PPIH: variants seen among roughly 807,000 people sequenced by gnomAD.
The protein encoded by PPIH is peptidylprolyl isomerase H, also known as peptidyl-prolyl cis-trans isomerase H.
PPIH carries 16 observed loss-of-function variants against 27.6 expected under a neutral mutation model. That is an observed-to-expected ratio of 0.58 (90% CI 0.39 to 0.88). PPIH has a LOEUF of 0.88. Ranked by LOEUF, PPIH falls within the 40% of genes least tolerant of loss-of-function variation. PPIH has a pLI of 0.00. For synonymous variants in PPIH, 63 were observed against 76.1 expected, an observed-to-expected ratio of 0.83 and a Z score of 0.90; for missense variants, 155 against 224.1, an observed-to-expected ratio of 0.69 and a Z score of 1.97.
intron 5 of PPIH, among the ~76,000 whole-genome samples, chr1:42,662,801 C>T (rs946935629): frequency 5.9e-5 from 9 of 152,154 alleles, no homozygotes; most frequent in Non-Finnish European, 1.0e-4. Context: ...TTTTGGTTTA[C>T]AGTTGTCAGT....
At chr1:42,658,761 T>G (rs1570373685) in intron 1 of PPIH, 83 bp from the exon 2 acceptor site, 3 of 1,466,438 alleles carry the variant, frequency 2.0e-6, no homozygotes. Context: ...GGCAGGGTGG[T>G]GGGTCAGCCC....
intron 5 of PPIH, among the ~76,000 whole-genome samples, chr1:42,661,999 T>G (rs1649050526): frequency 6.6e-6 from 1 of 152,192 alleles, no homozygotes; most frequent in Non-Finnish European, 1.5e-5. Flanking sequence ...TCCACAACTG[T>G]TTCCCTTATT....
At chr1:42,680,224 A>G (rs1264853145), downstream of PPIH, among the ~76,000 whole-genome samples, 1 of 152,242 alleles carries the variant, frequency 6.6e-6, no homozygotes, top group East Asian at 1.9e-4. Context: ...ACTAGATGAC[A>G]GTCCTTTCTC....
chr1:42,680,534 AATAGT>A (rs1271266982), downstream of PPIH, among the ~76,000 whole-genome samples: 2 of 152,182 alleles, frequency 1.3e-5, no homozygotes, highest in African/African-American at 4.8e-5. Context: ...CCCTAAGGGT[AATAGT>A]AGTCACTGGA....
downstream of PPIH, chr1:42,676,877 T>C (rs982589618): frequency 2.6e-5 from 4 of 152,180 alleles, no homozygotes; most frequent in African/African-American, 9.7e-5. Flanking sequence ...GAGGCCAGCA[T>C]GGACCAGAGC....
At chr1:42,662,300 T>C (rs1227500470) in intron 5 of PPIH, among the ~76,000 whole-genome samples, 1 of 152,220 alleles carries the variant, frequency 6.6e-6, no homozygotes. Flanking sequence ...TCCCAGTACC[T>C]TGGGATGCTG....
Position 42,658,458 on chromosome 1 carries a change from A to C in PPIH, c.12A>C (p.Ala4=), listed in dbSNP as rs1648774072. MAV[A]NSSPVNPVVF... ...TCCGGGTCGGAGCCATGGCGGTGGC[A>C]AATTCAAGTCCTGTTAACCCCGTGG... is the stretch of plus-strand genomic sequence containing the variant. The change falls in exon 1 of 10, where the codon GCA becomes GCC. Residue 4 remains alanine (A), a synonymous_variant. Transcript: ENST00000304979. 15 of 1,614,124 alleles carry C rather than the reference A, an allele frequency of 9.3e-6. No homozygotes were observed. The highest frequency in any genetic ancestry group is 1.3e-5 in the Non-Finnish European group (15 of 1,179,958).
chr1:42,661,498 T>TC (rs2148710676), intron 5 of PPIH, among the ~76,000 whole-genome samples: 1 of 152,298 alleles, frequency 6.6e-6, no homozygotes, highest in South Asian at 2.1e-4. Flanking sequence ...ACTGTTTTTG[T>TC]CCCCCATATG....
downstream of PPIH, among the ~76,000 whole-genome samples, chr1:42,678,023 G>A (rs1197571908): frequency 6.6e-6 from 1 of 152,194 alleles, no homozygotes; most frequent in African/African-American, 2.4e-5. Context: ...TTGTTTCAGT[G>A]TATCAGATGA....
At chr1:42,659,275 T>TC (rs1197660216) in intron 3 of PPIH, 24 bp downstream of exon 3, 2 of 1,614,226 alleles carry the variant, frequency 1.2e-6, no homozygotes, top group East Asian at 4.5e-5. Context: ...GTGTTTGACT[T>TC]CTTTGCCTGC....
intron 9 of PPIH, among the ~76,000 whole-genome samples, chr1:42,675,998 G>A (rs1649862713): frequency 6.6e-6 from 1 of 152,206 alleles, no homozygotes; most frequent in South Asian, 2.1e-4. Flanking sequence ...TATAATGCAT[G>A]GAGTTGTGAA....
Position 42,659,572 on chromosome 1 carries a change from G to T in PPIH, c.200+6G>T. 6.2e-7 allele frequency: 1 copy of T among 1,612,398 alleles called. No individual in the cohort carries two copies. The highest frequency in any genetic ancestry group is 8.5e-7 in the Non-Finnish European group (1 of 1,179,682). On this transcript the variant is annotated splice_donor_region_variant and intron_variant, in intron 4 of 9. Transcript: ENST00000304979. ...AAAGGAAGCACCTTCCACAGGTAAG[G>T]CTCTTGGCAAGCCATCCTGGAGTCT...
At chr1:42,680,010 G>C (rs1257314060), downstream of PPIH, among the ~76,000 whole-genome samples, 1 of 152,208 alleles carries the variant, frequency 6.6e-6, no homozygotes, top group Non-Finnish European at 1.5e-5. Context: ...GCACTAAGAT[G>C]CCCAAGGAAG....
At chr1:42,674,349 G>A (rs537127874) in intron 9 of PPIH, among the ~76,000 whole-genome samples, 1 of 152,262 alleles carries the variant, frequency 6.6e-6, no homozygotes, top group African/African-American at 2.4e-5. Context: ...GGAAACAGCA[G>A]GAAGTGTAGA....
chr1:42,676,039 A>G (rs573955914), intron 9 of PPIH, among the ~76,000 whole-genome samples: 6 of 152,226 alleles, frequency 3.9e-5, no homozygotes, highest in Non-Finnish European at 8.8e-5. Flanking sequence ...ATGCTTGACC[A>G]TAAATGTTAG....
At chr1:42,678,520 C>G (rs1225586240), downstream of PPIH, among the ~76,000 whole-genome samples, 1 of 152,166 alleles carries the variant, frequency 6.6e-6, no homozygotes, top group Admixed American at 6.5e-5. Context: ...CTGCTTCAGC[C>G]TCTCGAGTAG....
chr1:42,666,703 GCC>G, intron 8 of PPIH, 116 bp downstream of exon 8: 1 of 1,086,766 alleles, frequency 9.2e-7, no homozygotes. Context: ...TGTCTTCATT[GCC>G]CCAGGAAAAG....
intron 5 of PPIH, among the ~76,000 whole-genome samples, chr1:42,661,723 C>A (rs1386519489): frequency 1.3e-5 from 2 of 152,146 alleles, no homozygotes; most frequent in Non-Finnish European, 2.9e-5. Context: ...GTTTTTAAGA[C>A]CTCTTTCCTT....
intron 5 of PPIH, among the ~76,000 whole-genome samples, chr1:42,662,004 C>T (rs186683555): frequency 1.1e-4 from 16 of 152,308 alleles, no homozygotes; most frequent in African/African-American, 3.4e-4. Context: ...AACTGTTTCC[C>T]TTATTTACGT....
Sources: allele counts gnomAD v4.1 joint callset (sites outside exome capture counted in the v4.1 genomes callset), GRCh38; gene constraint gnomAD v4.1.1; transcripts MANE v1.5; gene names NCBI Gene and HGNC (gene_info 2026-07-23, HGNC 2026-07-21).